NCAPD3: variants seen among roughly 807,000 people sequenced by gnomAD.
NCAPD3 encodes condensin-2 complex subunit D3.
In NCAPD3, 105 loss-of-function variants were observed where a neutral mutation model predicts 182.9. The observed-to-expected ratio is 0.57, with a 90% CI of 0.49 to 0.68. The LOEUF (loss-of-function observed/expected upper bound fraction) is 0.68. Among genes scored for constraint, NCAPD3 ranks in the 30% least tolerant of loss-of-function variants. The pLI is 0.00. For missense variants in NCAPD3, 1,944 were observed against 1,837.0 expected, an observed-to-expected ratio of 1.06 and a Z score of -1.07; for synonymous variants, 815 against 679.9, an observed-to-expected ratio of 1.20 and a Z score of -3.09.
In NCAPD3 at chr11:134,204,734, AC is replaced by A. The variant is rs1944815370; in HGVS notation, c.1089+164del. Among the ~76,000 whole-genome samples the A allele has an allele frequency of 6.6e-6, 1 of 152,124 alleles. No homozygotes were observed. On this transcript the variant is annotated intron_variant, in intron 9 of 34. Transcript: ENST00000534548. The surrounding 1 kb of genome is among the most constrained non-coding windows in gnomAD (Gnocchi z 4.3). ...TTTGTTTTTTTGTTTTTTATAGAACACTTTTGTCTAGGGGACCATCTAGTGA... is the reference window on the plus strand; with the variant it reads ...TTTGTTTTTTTGTTTTTTATAGAACATTTTGTCTAGGGGACCATCTAGTGA...
intron 24 of NCAPD3, among the ~76,000 whole-genome samples, chr11:134,174,534 A>G (rs916616333): frequency 1.3e-5 from 2 of 151,990 alleles, no homozygotes; most frequent in Non-Finnish European, 2.9e-5. Context: ...TCTCACTCAT[A>G]TGTAAGAGTT....
chr11:134,163,041 A>T (rs185670659), intron 27 of NCAPD3, among the ~76,000 whole-genome samples: 1 of 152,236 alleles, frequency 6.6e-6, no homozygotes, highest in East Asian at 1.9e-4. Context: ...GCAGCTCGCA[A>T]CTGAGGTGCA....
intron 24 of NCAPD3, among the ~76,000 whole-genome samples, chr11:134,175,312 A>G (rs1216965987): frequency 6.6e-6 from 1 of 152,210 alleles, no homozygotes; most frequent in Non-Finnish European, 1.5e-5. Flanking sequence ...TACTGCGTAA[A>G]AAGTCCTGAG....
At chr11:134,173,988 A>T (rs1193295601) in intron 24 of NCAPD3, among the ~76,000 whole-genome samples, 1 of 151,976 alleles carries the variant, frequency 6.6e-6, no homozygotes, top group African/African-American at 2.4e-5. Flanking sequence ...AAACAAAAAA[A>T]CAAAACAAAA....
At position 134,206,684 on chromosome 11, in the gene NCAPD3, C is replaced by T. The variant is rs2136015480; in HGVS notation, c.931G>A (p.Glu311Lys). ...GCACGATGGGATCCTTCACCAACTT[C>T]TAACATTAATATTACACTGAGCATT... ...HQMLSVILMLEVGEGSHRAPL... is the reference protein window; with the variant it reads ...HQMLSVILMLKVGEGSHRAPL... Residue 311 changes from glutamate to lysine, a missense_variant, in exon 8 of 35, where the codon GAA becomes AAA. Glu to Lys is a moderately conservative substitution (Grantham distance 56, BLOSUM62 1). Around this residue, in one of 3 missense-constraint regions of NCAPD3, gnomAD observed 1,803 missense variants for 1,674.6 expected, o/e 1.08. Transcript: ENST00000534548. 2 of 1,613,378 alleles carry T rather than the reference C, an allele frequency of 1.2e-6. No homozygotes were observed. Among genetic ancestry groups the T allele is most frequent in the Middle Eastern group, 1.6e-4 (1 of 6,062 alleles).
chr11:134,200,446 G>C (rs1482375810), intron 13 of NCAPD3, among the ~76,000 whole-genome samples: 1 of 152,196 alleles, frequency 6.6e-6, no homozygotes, highest in South Asian at 2.1e-4. Flanking sequence ...CAAAGAAAAC[G>C]TATGTATATG....
intron 8 of NCAPD3, among the ~76,000 whole-genome samples, chr11:134,205,740 T>C (rs1356015761): frequency 6.6e-6 from 1 of 152,202 alleles, no homozygotes; most frequent in African/African-American, 2.4e-5. Flanking sequence ...TCTGTAACAT[T>C]ACATGAAGAC....
At chr11:134,161,329 T>A (rs1943574171) in intron 28 of NCAPD3, among the ~76,000 whole-genome samples, 1 of 152,178 alleles carries the variant, frequency 6.6e-6, no homozygotes, top group African/African-American at 2.4e-5. Flanking sequence ...GACAAAGAAT[T>A]CAGCCTGGTG....
In NCAPD3 at chr11:134,206,713, T is replaced by C. The variant is rs772483825; in HGVS notation, c.902A>G (p.His301Arg). ...EGDKVISCVF[H>R]QMLSVILMLE... is the part of the protein sequence containing the mutation. ...CATTAATATTACACTGAGCATTTGA[T>C]GGAAAACACAACTGATGACCTAGAA... Residue 301 changes from histidine to arginine, a missense_variant, in exon 8 of 35, where the codon CAT becomes CGT. By Grantham distance (29) the His-to-Arg change is conservative. This residue lies in a region of NCAPD3 where 1,803 missense variants were observed against 1,674.6 expected (regional missense o/e 1.08). Coordinates refer to ENST00000534548, the MANE Select transcript of NCAPD3 (RefSeq NM_015261.3). The C allele has an allele frequency of 1.2e-6, 2 of 1,608,650 alleles. No individual in the cohort carries two copies. Among genetic ancestry groups the C allele is most frequent in the East Asian group, 2.2e-5 (1 of 44,548 alleles).
rs1165559671 is a variant in NCAPD3 at position 134,158,499 on chromosome 11, G to GTAGAGAAGA, written c.3868-13_3868-5dup. The GTAGAGAAGA allele has an allele frequency of 5.6e-6, 9 of 1,612,448 alleles. No homozygotes were observed. The highest frequency in any genetic ancestry group is 7.6e-6 in the Non-Finnish European group (9 of 1,179,498). On this transcript the variant is annotated splice_region_variant and splice_polypyrimidine_tract_variant and intron_variant, in intron 29 of 34. Coordinates refer to ENST00000534548, the MANE Select transcript of NCAPD3 (RefSeq NM_015261.3). Reference sequence around the variant, plus strand: ...CTGTTTCTAAACACAGGGCAACCTGGTAGAGAAGATAAAGAGTATGTACAT... The same window carrying GTAGAGAAGA: ...CTGTTTCTAAACACAGGGCAACCTGGTAGAGAAGATAGAGAAGATAAAGAGTATGTACAT...
At position 134,216,732 on chromosome 11, in the gene NCAPD3, G is replaced by A. The variant is rs567265536; in HGVS notation, c.382+204C>T. The stretch of plus-strand genomic sequence containing the variant: ...ATTAGTTTATAGATAGCATAACTTC[G>A]GATGAAAAAAAAAAGGGGGAAGGTT... On this transcript the variant is annotated intron_variant, in intron 3 of 34. Coordinates refer to ENST00000534548, the MANE Select transcript of NCAPD3 (RefSeq NM_015261.3). 1.1e-4 allele frequency among the ~76,000 whole-genome samples: 16 copies of A among 151,426 alleles called. No individual in the cohort carries two copies. The South Asian group carries it at 2.7e-3, about 26-fold the overall frequency.
At chr11:134,178,993 C>T in intron 20 of NCAPD3, 57 bp from the exon 21 acceptor site, 1 of 1,166,470 alleles carries the variant, frequency 8.6e-7, no homozygotes, top group Non-Finnish European at 1.3e-6. Flanking sequence ...TGAACTCTAG[C>T]TAGATTAAGG....
rs766709193 is a variant in NCAPD3, at chr11:134,203,820, C to T, written c.1302G>A (p.Glu434=). ...EREVDNTLSL[E]HQKFLKHKFL... is the part of the protein sequence containing the mutation. ...ACTTATGCTTTAAGAACTTCTGATG[C>T]TCCAAGGAGAGGGTGTTATCCACCT... The change falls in exon 11 of 35, where the codon GAG becomes GAA. Residue 434 remains glutamate, a synonymous_variant. Coordinates refer to ENST00000534548, the MANE Select transcript of NCAPD3 (RefSeq NM_015261.3). 3.7e-6 allele frequency: 6 copies of T among 1,614,080 alleles called. No homozygotes were observed. The highest frequency in any genetic ancestry group is 4.5e-5 in the East Asian group (2 of 44,898).
rs1462785698 is a variant in NCAPD3 at position 134,151,378 on chromosome 11, G to A, written c.*1566C>T. ...CATCATTGCCACCTTGGTAGAGAGGGATGGCTCCCCACCCTCAGCGTTGGG... is the reference window on the plus strand; with the variant it reads ...CATCATTGCCACCTTGGTAGAGAGGAATGGCTCCCCACCCTCAGCGTTGGG... On this transcript the variant is annotated 3_prime_UTR_variant, in exon 35 of 35. Transcript: ENST00000534548. The A allele has an allele frequency of 1.3e-5, 2 of 152,188 alleles. No individual in the cohort carries two copies. Among genetic ancestry groups the A allele is most frequent in the African/African-American group, 2.4e-5 (1 of 41,438 alleles). The allele number at this position is 152,188 out of a possible 1,614,324, so 9.4% of individuals were successfully genotyped here. A position where few individuals can be genotyped will look rare whatever the true frequency, so the allele number is the denominator to read the frequency against.
chr11:134,208,973 T>A lies in NCAPD3; in HGVS notation c.795-22A>T, dbSNP rs114252018. The stretch of plus-strand genomic sequence containing the variant: ...AGCTCTAAAAAAAAAAGACGAAATA[T>A]TAGTTAATGGATATGATTTTACTTG... On this transcript the variant is annotated intron_variant, in intron 6 of 34. Transcript: ENST00000534548. The A allele has an allele frequency of 2.1e-3, 3,213 of 1,533,300 alleles. 64 individuals carry two copies. The African/African-American group carries it at 0.039, about 19-fold the overall frequency. 95.0% of individuals were successfully genotyped at this position (1,533,300 alleles called of 1,614,324 possible).
chr11:134,187,586 C>T (rs1944437084), intron 16 of NCAPD3, among the ~76,000 whole-genome samples: 1 of 152,184 alleles, frequency 6.6e-6, no homozygotes, highest in Admixed American at 6.5e-5. Flanking sequence ...GTAACCCTTA[C>T]TACTCTGGCT....
intron 29 of NCAPD3, among the ~76,000 whole-genome samples, chr11:134,159,356 A>T (rs930062259): frequency 6.6e-6 from 1 of 151,940 alleles, no homozygotes; most frequent in African/African-American, 2.4e-5. Context: ...CAAGTCCATA[A>T]GTAATGTACT....
rs1404059766 is a variant in NCAPD3 at position 134,150,935 on chromosome 11, A to C, written c.*2009T>G. On this transcript the variant is annotated 3_prime_UTR_variant, in exon 35 of 35. Transcript: ENST00000534548. ...AATCAAAAGCAGTTTTCTAATTTTG[A>C]CTTTAAATTTTTCATCCGCCGGAGA... 6 of 152,120 alleles carry C rather than the reference A, an allele frequency of 3.9e-5. No homozygotes were observed. The allele number at this position is 152,120 out of a possible 1,614,324, so 9.4% of individuals were successfully genotyped here.
At chr11:134,177,612 G>A in intron 22 of NCAPD3, 155 bp from the exon 23 acceptor site, 1 of 638,510 alleles carries the variant, frequency 1.6e-6, no homozygotes, top group African/African-American at 1.8e-5. Flanking sequence ...AAGGCAGACA[G>A]ACCCATCTTG....
Sources: allele counts gnomAD v4.1 joint callset (sites outside exome capture counted in the v4.1 genomes callset), GRCh38; gene constraint gnomAD v4.1.1; regional missense constraint gnomAD v4.1.1; non-coding constraint Gnocchi (gnomAD v3.1); transcripts MANE v1.5; gene names NCBI Gene and HGNC (gene_info 2026-07-23, HGNC 2026-07-21).